Variants in NFIA observed in about 807,000 individuals in gnomAD.
The protein encoded by NFIA is nuclear factor I A, also known as nuclear factor 1 A-type.
Under a neutral mutation model 62.8 loss-of-function variants are expected in NFIA, and 8 were observed. That is an observed-to-expected ratio of 0.13 (90% CI 0.07 to 0.23). The LOEUF (loss-of-function observed/expected upper bound fraction) is 0.23. Among genes scored for constraint, NFIA ranks in the 10% least tolerant of loss-of-function variants. The pLI is 1.00. For missense variants in NFIA, 410 were observed against 642.1 expected (o/e 0.64, Z 3.91); for synonymous variants, 235 against 238.1 (o/e 0.99, Z 0.12).
chr1:61,313,972 A>T (rs1660242361), intron 3 of NFIA, among the ~76,000 whole-genome samples: 1 of 152,226 alleles, frequency 6.6e-6, no homozygotes, highest in African/African-American at 2.4e-5. Flanking sequence ...CCTACCTCAT[A>T]ACACTTTGAA....
At chr1:61,082,504 G>C (rs1296291592), upstream of NFIA, 1 of 1,228,726 alleles carries the variant, frequency 8.1e-7, no homozygotes, top group Non-Finnish European at 1.0e-6. Context: ...GGTGCGCTAT[G>C]CCTTTAACAC....
At chr1:61,449,242 C>A (rs1042194513) in intron 10 of NFIA, among the ~76,000 whole-genome samples, 2 of 152,178 alleles carry the variant, frequency 1.3e-5, no homozygotes, top group Admixed American at 6.5e-5. Flanking sequence ...GAGACATGGT[C>A]ATGTGGCACG....
Position 61,239,848 on chromosome 1 carries a change from CAT to C in NFIA, c.560-37670_560-37669del, listed in dbSNP as rs1254323380. 7.2e-5 allele frequency among the ~76,000 whole-genome samples: 11 copies of C among 152,194 alleles called. No individual in the cohort carries two copies. In the East Asian group the frequency reaches 1.9e-3, roughly 27 times the overall value. On this transcript the variant is annotated intron_variant, in intron 2 of 10. Transcript: ENST00000403491. ...TAATTGAAAGGATTTGGTATAATCT[CAT>C]AAAGAAACAGGCAAATTCTGGGGTT...
chr1:61,280,205 A>G (rs1658048801), intron 3 of NFIA, among the ~76,000 whole-genome samples: 1 of 152,192 alleles, frequency 6.6e-6, no homozygotes, highest in Non-Finnish European at 1.5e-5. Flanking sequence ...AGGGCTGGGT[A>G]TTTACATGCA....
At chr1:61,354,112 A>G (rs1290903602) in intron 5 of NFIA, among the ~76,000 whole-genome samples, 1 of 152,066 alleles carries the variant, frequency 6.6e-6, no homozygotes, top group African/African-American at 2.4e-5. Flanking sequence ...TTCTCCAGCT[A>G]TGTTTTATTA....
chr1:61,401,642 C>T (rs1665561664), intron 7 of NFIA, among the ~76,000 whole-genome samples: 2 of 152,176 alleles, frequency 1.3e-5, no homozygotes, highest in African/African-American at 2.4e-5. Context: ...CCTGAGGCAG[C>T]GGCACTTTAT....
chr1:61,170,025 G>A (rs1017363882), intron 2 of NFIA, among the ~76,000 whole-genome samples: 34 of 152,238 alleles, frequency 2.2e-4, no homozygotes, highest in Admixed American at 1.6e-3. Flanking sequence ...CCATGTAGTC[G>A]TTGGGCATTT....
At chr1:61,399,591 G>A (rs1302180675) in intron 7 of NFIA, among the ~76,000 whole-genome samples, 3 of 152,316 alleles carry the variant, frequency 2.0e-5, no homozygotes, top group African/African-American at 7.2e-5. Flanking sequence ...GAAAATGTGT[G>A]AGAGTTATTA....
At chr1:61,338,530 A>G (rs572704043) in intron 4 of NFIA, among the ~76,000 whole-genome samples, 3 of 152,234 alleles carry the variant, frequency 2.0e-5, no homozygotes, top group Admixed American at 6.5e-5. Context: ...TTACGTTTTC[A>G]AGTACCCATA....
chr1:61,265,387 T>A (rs535422983), intron 2 of NFIA, among the ~76,000 whole-genome samples: 21 of 152,330 alleles, frequency 1.4e-4, no homozygotes, highest in African/African-American at 5.1e-4. Context: ...TTCACTTACA[T>A]CATTTAAATA....
chr1:61,371,333 C>A (rs1663875051), intron 6 of NFIA, among the ~76,000 whole-genome samples: 1 of 152,090 alleles, frequency 6.6e-6, no homozygotes, highest in African/African-American at 2.4e-5. Flanking sequence ...GTTCGTTCTT[C>A]CAGTGGATTT....
chr1:61,326,191 G>A (rs6691768), intron 3 of NFIA, among the ~76,000 whole-genome samples: 77,893 of 151,836 alleles, frequency 0.51, 22,509 homozygotes, highest in South Asian at 0.71. Context: ...GATGGACAAT[G>A]CTACTGCCCT....
At chr1:61,258,509 A>C (rs1346538077) in intron 2 of NFIA, among the ~76,000 whole-genome samples, 9 of 152,058 alleles carry the variant, frequency 5.9e-5, no homozygotes, top group Non-Finnish European at 1.2e-4. Flanking sequence ...TAGACACACT[A>C]GTCCCAACAT....
intron 2 of NFIA, among the ~76,000 whole-genome samples, chr1:61,240,531 TA>T (rs1655284515): frequency 6.6e-6 from 1 of 152,068 alleles, no homozygotes; most frequent in Admixed American, 6.6e-5. Context: ...GTCTTTTTTT[TA>T]ATCGTAAATA....
chr1:61,123,707 G>GC (rs397809159), intron 2 of NFIA, among the ~76,000 whole-genome samples: 2 of 151,486 alleles, frequency 1.3e-5, no homozygotes, highest in Non-Finnish European at 2.9e-5. Context: ...AGGCTACATG[G>GC]TTTGGCTTAA....
At chr1:61,282,139 T>C (rs994277210) in intron 3 of NFIA, among the ~76,000 whole-genome samples, 1 of 152,124 alleles carries the variant, frequency 6.6e-6, no homozygotes, top group Admixed American at 6.5e-5. Context: ...CTAATGGGAA[T>C]AGGACATCAA....
At chr1:61,173,615 G>C (rs334718) in intron 2 of NFIA, among the ~76,000 whole-genome samples, 134,978 of 152,044 alleles carry the variant, frequency 0.89, 60,488 homozygotes, top group Non-Finnish European at 0.95. Flanking sequence ...GTCTCGAACT[G>C]CTGGCCTCAA....
chr1:61,352,325 T>G (rs1165242552), intron 4 of NFIA, 125 bp from the exon 5 acceptor site: 2 of 653,188 alleles, frequency 3.1e-6, no homozygotes, highest in Admixed American at 5.3e-5. Context: ...TTATTACTGA[T>G]TATTTTCGAT....
At chr1:61,295,327 C>A (rs1659133989) in intron 3 of NFIA, among the ~76,000 whole-genome samples, 1 of 152,126 alleles carries the variant, frequency 6.6e-6, no homozygotes, top group Admixed American at 6.6e-5. Flanking sequence ...TAGGAGTGGG[C>A]TCCGGGTTAG....
Sources: allele counts gnomAD v4.1 joint callset (sites outside exome capture counted in the v4.1 genomes callset), GRCh38; gene constraint gnomAD v4.1.1; transcripts MANE v1.5; gene names NCBI Gene and HGNC (gene_info 2026-07-23, HGNC 2026-07-21).